The following CDH18 variants were observed in gnomAD, a reference collection of about 807,000 sequenced individuals.
CDH18 encodes the protein cadherin-18.
In CDH18, 31 loss-of-function variants were observed where a neutral mutation model predicts 67.9. The observed-to-expected ratio is 0.46, with a 90% CI of 0.34 to 0.62. The LOEUF (loss-of-function observed/expected upper bound fraction) is 0.62. Among genes scored for constraint, CDH18 ranks in the 20% least tolerant of loss-of-function variants. The pLI, the probability that CDH18 is intolerant of heterozygous loss-of-function variation, is 0.01. For missense variants in CDH18, 890 were observed against 975.5 expected (o/e 0.91, Z 1.17); for synonymous variants, 362 against 347.2 (o/e 1.04, Z -0.48).
chr5:19,994,328 T>TATATGTATACATATATACAC (rs1206140826), intron 2 of CDH18, among the ~76,000 whole-genome samples: 9 of 138,094 alleles, frequency 6.5e-5, no homozygotes, highest in African/African-American at 2.8e-4. Flanking sequence ...CATATATACA[T>TATATGTATACATATATACAC]ATATTTATAC....
chr5:20,341,571 T>C (rs1309163388), intron 1 of CDH18, among the ~76,000 whole-genome samples: 3 of 151,518 alleles, frequency 2.0e-5, no homozygotes, highest in Non-Finnish European at 4.4e-5. Flanking sequence ...ATGCAAACAC[T>C]AATATAGAAC....
intron 2 of CDH18, among the ~76,000 whole-genome samples, chr5:20,035,014 T>C (rs1193734036): frequency 1.3e-5 from 2 of 152,082 alleles, no homozygotes; most frequent in Non-Finnish European, 2.9e-5. Context: ...ATAAAACCTT[T>C]CAAATCCATT....
At chr5:19,584,806 A>AAAAAAAAAAG (rs1743872150) in intron 7 of CDH18, among the ~76,000 whole-genome samples, 3 of 148,100 alleles carry the variant, frequency 2.0e-5, no homozygotes, top group East Asian at 2.0e-4. Context: ...AAAAAAAAAA[A>AAAAAAAAAAG]AAAAAAGAAA....
chr5:19,633,499 T>A (rs1392330384), intron 5 of CDH18, among the ~76,000 whole-genome samples: 1 of 152,160 alleles, frequency 6.6e-6, no homozygotes, highest in Non-Finnish European at 1.5e-5. Context: ...TCAAAAGAAA[T>A]TATTACAAAC....
chr5:19,639,532 A>G (rs1753732342), intron 5 of CDH18, among the ~76,000 whole-genome samples: 1 of 152,170 alleles, frequency 6.6e-6, no homozygotes, highest in Non-Finnish European at 1.5e-5. Context: ...CTCCATCACT[A>G]TGGGACAAAG....
At chr5:19,612,363 G>T in intron 6 of CDH18, 71 bp downstream of exon 6, 1 of 1,450,276 alleles carries the variant, frequency 6.9e-7, no homozygotes, top group Non-Finnish European at 9.6e-7. Flanking sequence ...ACATAACACT[G>T]TTCAAGTATT....
In CDH18 at chr5:20,481,684, C is replaced by T. The variant is rs565856061; in HGVS notation, c.-580+93778G>A. On this transcript the variant is annotated intron_variant, in intron 1 of 14. Transcript: ENST00000507958. ...GCTAAACAAACATATGGAAATTAAACGACATGCTCCTAAAAGATTAGTGGG... is the reference window on the plus strand; with the variant it reads ...GCTAAACAAACATATGGAAATTAAATGACATGCTCCTAAAAGATTAGTGGG... 5.3e-5 allele frequency among the ~76,000 whole-genome samples: 8 copies of T among 152,082 alleles called. No individual in the cohort carries two copies. In the South Asian group the frequency reaches 6.2e-4, roughly 12 times the overall value.
In CDH18 at chr5:20,241,216, T is replaced by C. The variant is rs1421754584; in HGVS notation, c.-518+14228A>G. 2.0e-5 allele frequency among the ~76,000 whole-genome samples: 3 copies of C among 152,174 alleles called. No homozygotes were observed. The East Asian group carries it at 5.8e-4, about 29-fold the overall frequency. ...TCTTGTAAAAGTGTCAAAACAACTT[T>C]TTTTATAAATAGGTGAGACTAGGCA... On this transcript the variant is annotated intron_variant, in intron 2 of 14. Coordinates refer to the CDH18 transcript ENST00000507958.
chr5:20,418,338 G>A (rs186689777), intron 1 of CDH18, among the ~76,000 whole-genome samples: 8 of 143,836 alleles, frequency 5.6e-5, no homozygotes, highest in African/African-American at 1.8e-4. Flanking sequence ...CAGGTGATCC[G>A]CCCACCTCGG....
intron 7 of CDH18, among the ~76,000 whole-genome samples, chr5:19,580,507 T>C (rs1322057028): frequency 2.0e-5 from 3 of 151,938 alleles, no homozygotes; most frequent in African/African-American, 7.2e-5. Context: ...TCTTTCTCCA[T>C]CTCAAATACA....
At position 19,612,199 on chromosome 5, in the gene CDH18, T is replaced by C. The variant is rs543022316; in HGVS notation, c.811+235A>G. On this transcript the variant is annotated intron_variant, in intron 6 of 12. Transcript: ENST00000382275. ...AGTACCACCACATCATTTTTAATAT[T>C]TAACTTGATGCCAAATGAAACTCCA... Among the ~76,000 whole-genome samples, 25 of 152,262 alleles carry C rather than the reference T, an allele frequency of 1.6e-4. 1 individual carries two copies. In the South Asian group the frequency reaches 4.6e-3, roughly 28 times the overall value.
At chr5:20,545,996 C>T (rs1757321135) in intron 1 of CDH18, among the ~76,000 whole-genome samples, 1 of 152,148 alleles carries the variant, frequency 6.6e-6, no homozygotes, top group Non-Finnish European at 1.5e-5. Flanking sequence ...ATCTTGAATG[C>T]TTTGCTGCTT....
At chr5:20,425,419 A>T (rs986173041) in intron 1 of CDH18, among the ~76,000 whole-genome samples, 10 of 151,014 alleles carry the variant, frequency 6.6e-5, no homozygotes, top group Non-Finnish European at 1.0e-4. Context: ...AAAAAACAAA[A>T]AAAAGAAAGA....
chr5:20,183,861 T>C (rs1737885989), intron 2 of CDH18, among the ~76,000 whole-genome samples: 1 of 152,108 alleles, frequency 6.6e-6, no homozygotes, highest in African/African-American at 2.4e-5. Flanking sequence ...TCATTCCTCA[T>C]TAGATATATG....
intron 5 of CDH18, among the ~76,000 whole-genome samples, chr5:19,704,618 C>T (rs1257531589): frequency 6.6e-6 from 1 of 152,082 alleles, no homozygotes. Flanking sequence ...TTGATGGCAG[C>T]CATTGTTAAG....
At chr5:20,393,936 C>G (rs1010552215) in intron 1 of CDH18, among the ~76,000 whole-genome samples, 2 of 152,024 alleles carry the variant, frequency 1.3e-5, no homozygotes, top group African/African-American at 4.8e-5. Context: ...ACATCTCAGT[C>G]AGGCTCATGG....
At chr5:20,480,712 G>A (rs1752740915) in intron 1 of CDH18, among the ~76,000 whole-genome samples, 1 of 152,046 alleles carries the variant, frequency 6.6e-6, no homozygotes, top group African/African-American at 2.4e-5. Flanking sequence ...AAAGTATAGA[G>A]TTTTTATTAG....
rs774396694 is a variant in CDH18, at chr5:20,555,408, C to CTTTTTTTTTTTTTTTTTTTTTTTTTTTTT, written c.-580+20025_-580+20053dup. Reference sequence around the variant, plus strand: ...GCCAGAACCACCAAGACAAGCTTTTCTTTTTTTTTTTTTTTTTTTTTTTTT... The same window carrying CTTTTTTTTTTTTTTTTTTTTTTTTTTTTT: ...GCCAGAACCACCAAGACAAGCTTTTCTTTTTTTTTTTTTTTTTTTTTTTTTTTTTTTTTTTTTTTTTTTTTTTTTTTTTT... On this transcript the variant is annotated intron_variant, in intron 1 of 14. Coordinates refer to the CDH18 transcript ENST00000507958. Among the ~76,000 whole-genome samples the CTTTTTTTTTTTTTTTTTTTTTTTTTTTTT allele has an allele frequency of 7.7e-5, 8 of 103,660 alleles. 1 individual carries two copies. The highest frequency in any genetic ancestry group is 1.0e-4 in the Admixed American group (1 of 9,830). 68.0% of individuals were successfully genotyped at this position (103,660 alleles called of 152,430 possible).
Position 19,520,700 on chromosome 5 carries a change from C to G in CDH18, c.1469G>C (p.Arg490Thr). Residue 490 changes from arginine (R) to threonine (T), a missense_variant, in exon 10 of 13, where the codon AGG (arginine) becomes ACG (threonine). Transcript: ENST00000382275. ...DVNDNPPELA[R>T]EYDIIVCENS... Reference sequence around the variant, plus strand: ...TTCACATACAATAATATCATATTCCCTGGCAAGTTCGGGTGGATTGTCATT... The same window carrying G: ...TTCACATACAATAATATCATATTCCGTGGCAAGTTCGGGTGGATTGTCATT... The G allele has an allele frequency of 6.2e-7, 1 of 1,613,408 alleles. No individual in the cohort carries two copies. Among genetic ancestry groups the G allele is most frequent in the Non-Finnish European group, 8.5e-7 (1 of 1,179,602 alleles).
Sources: gnomAD v4.1 joint callset for allele counts (sites outside exome capture counted in the v4.1 genomes callset) on GRCh38, gnomAD v4.1.1 for gene constraint, MANE v1.5 for transcripts, NCBI Gene and HGNC (gene_info 2026-07-23, HGNC 2026-07-21) for gene names.